Variants in VPS13B observed in about 807,000 individuals in gnomAD.
VPS13B encodes intermembrane lipid transfer protein VPS13B.
In VPS13B, 285 loss-of-function variants were observed where a neutral mutation model predicts 426.4. The ratio of observed to expected loss-of-function variants is 0.67; its 90% CI spans 0.61 to 0.74. The LOEUF (loss-of-function observed/expected upper bound fraction) is 0.74, where lower values mean the gene tolerates loss of function less well. VPS13B is among the 30% of genes least tolerant of loss of function. The pLI, the probability that VPS13B is intolerant of heterozygous loss-of-function variation, is 0.00. For synonymous variants in VPS13B, 1,676 were observed against 1,676.4 expected (o/e 1.00, Z 0.01); for missense variants, 4,537 against 4,782.6 (o/e 0.95, Z 1.51).
intron 29 of VPS13B, among the ~76,000 whole-genome samples, chr8:99,517,008 T>G (rs1285416933): frequency 6.6e-6 from 1 of 152,054 alleles, no homozygotes. Context: ...TAATGGTCAT[T>G]GATTATATGT....
chr8:99,022,537 G>A (rs925352861), intron 2 of VPS13B, among the ~76,000 whole-genome samples: 4 of 151,972 alleles, frequency 2.6e-5, no homozygotes, highest in African/African-American at 9.7e-5. Flanking sequence ...GTCTGTTTTT[G>A]TAAGTGTTTC....
At position 99,870,866 on chromosome 8, in the gene VPS13B, A is replaced by G. The variant is rs199741560; in HGVS notation, c.11474A>G (p.Asn3825Ser). 1.1e-4 allele frequency: 182 copies of G among 1,614,092 alleles called. No individual in the cohort carries two copies. The highest frequency in any genetic ancestry group is 1.4e-4 in the Non-Finnish European group (171 of 1,180,024). ...PSDLHADQAPNSHVKYVWKML... is the reference protein window; with the variant it reads ...PSDLHADQAPSSHVKYVWKML... ...GATCTACATGCTGACCAGGCTCCAA[A>G]CAGCCATGTCAAATATGTCTGGTAA... The change falls in exon 60 of 62, where the codon AAC (asparagine) becomes AGC (serine). Residue 3825 changes from asparagine to serine, a missense_variant. Asn to Ser is a conservative substitution (Grantham distance 46). Transcript: ENST00000357162.
chr8:99,718,966 C>T (rs1277060200), intron 37 of VPS13B, among the ~76,000 whole-genome samples: 1 of 152,050 alleles, frequency 6.6e-6, no homozygotes, highest in Non-Finnish European at 1.5e-5. Flanking sequence ...TTGTATTTAT[C>T]TAAAAGTTGT....
intron 3 of VPS13B, among the ~76,000 whole-genome samples, chr8:99,053,640 A>G (rs1843679376): frequency 6.9e-6 from 1 of 145,494 alleles, no homozygotes; most frequent in African/African-American, 2.5e-5. Context: ...AGGTTCATCC[A>G]TGTTGTGGCA....
At chr8:99,527,094 A>G (rs1203138976) in intron 30 of VPS13B, among the ~76,000 whole-genome samples, 1 of 152,040 alleles carries the variant, frequency 6.6e-6, no homozygotes, top group East Asian at 1.9e-4. Flanking sequence ...AAACACTATG[A>G]AAGGTTCTGT....
chr8:99,050,752 T>A (rs1395009113), intron 3 of VPS13B, among the ~76,000 whole-genome samples: 3 of 152,378 alleles, frequency 2.0e-5, no homozygotes, highest in Admixed American at 2.0e-4. Flanking sequence ...GGTATCTCAC[T>A]GTGGTTTTGA....
intron 30 of VPS13B, among the ~76,000 whole-genome samples, chr8:99,528,853 G>A (rs1011091764): frequency 6.6e-6 from 1 of 151,926 alleles, no homozygotes; most frequent in Non-Finnish European, 1.5e-5. Flanking sequence ...TTATTCATGA[G>A]TATATTTAAG....
chr8:99,218,582 G>T (rs1327936022), intron 17 of VPS13B, among the ~76,000 whole-genome samples: 1 of 152,196 alleles, frequency 6.6e-6, no homozygotes. Flanking sequence ...ATTGTTGATT[G>T]TTTAGCTGTT....
At chr8:99,776,630 C>T (rs1811754371) in intron 40 of VPS13B, 145 bp from the exon 41 acceptor site, 1 of 811,900 alleles carries the variant, frequency 1.2e-6, no homozygotes, top group Non-Finnish European at 2.0e-6. Context: ...AGCTAATTTA[C>T]ATAGGAAAAT....
chr8:99,241,264 GGAAA>G (rs1454099988), intron 17 of VPS13B: 2 of 152,158 alleles, frequency 1.3e-5, no homozygotes, highest in Non-Finnish European at 2.9e-5. Flanking sequence ...AAGATGATTA[GGAAA>G]GAGAGGAAAG....
At chr8:99,534,995 A>T (rs1823123950) in intron 30 of VPS13B, among the ~76,000 whole-genome samples, 1 of 152,168 alleles carries the variant, frequency 6.6e-6, no homozygotes, top group Admixed American at 6.5e-5. Flanking sequence ...TTGGCTTTGT[A>T]GTTACAATTT....
chr8:99,420,280 T>A (rs1432423758), intron 21 of VPS13B, among the ~76,000 whole-genome samples: 2 of 152,162 alleles, frequency 1.3e-5, no homozygotes. Context: ...ATATCAAGTG[T>A]CAGTATTTGG....
chr8:99,430,398 T>C (rs1468026036), intron 21 of VPS13B, among the ~76,000 whole-genome samples: 1 of 152,202 alleles, frequency 6.6e-6, no homozygotes, highest in African/African-American at 2.4e-5. Context: ...TATTTTATGC[T>C]ACTTTATAAG....
At chr8:99,806,222 A>G (rs565239405) in intron 43 of VPS13B, among the ~76,000 whole-genome samples, 1 of 152,344 alleles carries the variant, frequency 6.6e-6, no homozygotes, top group African/African-American at 2.4e-5. Context: ...AAATCTATGT[A>G]TTTAACCTTA....
In VPS13B at chr8:99,142,979, A is replaced by G. The variant is rs2132580942; in HGVS notation, c.1657A>G (p.Thr553Ala). 6.2e-7 allele frequency: 1 copy of G among 1,613,178 alleles called. No homozygotes were observed. The highest frequency in any genetic ancestry group is 1.7e-5 in the Admixed American group (1 of 59,914). Residue 553 changes from threonine (T) to alanine (A), a missense_variant, in exon 13 of 62, where the codon ACA becomes GCA. Around this residue, in one of 2 missense-constraint regions of VPS13B, gnomAD observed 4,311 missense variants for 4,474.3 expected, o/e 0.96. Coordinates refer to ENST00000357162, the MANE Select transcript of VPS13B (RefSeq NM_152564.5). ...TAAAATTTGACTTCTTTTAGGTTCC[A>G]CAAATCAACAAGACTTTTCTTCAGG... ...TMENTSGKGSTNQQDFSSGKS... is the reference protein window; with the variant it reads ...TMENTSGKGSANQQDFSSGKS...
rs906656844 is a variant in VPS13B at position 99,405,066 on chromosome 8, A to G, written c.3082+13362A>G. Among the ~76,000 whole-genome samples, 7 of 152,156 alleles carry G rather than the reference A, an allele frequency of 4.6e-5. 1 individual carries two copies. The highest frequency in any genetic ancestry group is 1.0e-4 in the Non-Finnish European group (7 of 68,024). ...ATCTTAATCATCTACAAGTTGCCTTAAATCTCAGTGTATCAGTACAGATGC... is the reference window on the plus strand; with the variant it reads ...ATCTTAATCATCTACAAGTTGCCTTGAATCTCAGTGTATCAGTACAGATGC... On this transcript the variant is annotated intron_variant, in intron 21 of 61. Transcript: ENST00000357162.
At chr8:99,508,831 GA>G (rs932719438) in intron 28 of VPS13B, among the ~76,000 whole-genome samples, 4 of 151,074 alleles carry the variant, frequency 2.6e-5, no homozygotes, top group African/African-American at 9.7e-5. Context: ...ATTACTGTAT[GA>G]AAAAATGATA....
intron 33 of VPS13B, among the ~76,000 whole-genome samples, chr8:99,598,254 A>G (rs1471586247): frequency 6.6e-6 from 1 of 152,082 alleles, no homozygotes; most frequent in East Asian, 1.9e-4. Context: ...GTCATCTGTA[A>G]TTATGTGATC....
chr8:99,603,679 A>G (rs1827430756), intron 33 of VPS13B, among the ~76,000 whole-genome samples: 2 of 152,290 alleles, frequency 1.3e-5, no homozygotes, highest in East Asian at 1.9e-4. Flanking sequence ...TCACACTACT[A>G]AGAATGGCAT....
Sources: allele counts gnomAD v4.1 joint callset (sites outside exome capture counted in the v4.1 genomes callset), GRCh38; gene constraint gnomAD v4.1.1; regional missense constraint gnomAD v4.1.1; transcripts MANE v1.5; gene names NCBI Gene and HGNC (gene_info 2026-07-23, HGNC 2026-07-21).